The following CFAP20DC variants were observed in gnomAD, a reference collection of about 807,000 sequenced individuals.
The protein encoded by CFAP20DC is CFAP20 domain containing.
CFAP20DC carries 84 observed loss-of-function variants against 101.7 expected under a neutral mutation model. That is an observed-to-expected ratio of 0.83 (90% CI 0.69 to 0.99). The LOEUF is 0.99. Ranked by LOEUF, CFAP20DC falls within the 50% of genes least tolerant of loss-of-function variation. CFAP20DC has a pLI of 0.00. For synonymous variants in CFAP20DC, 359 were observed against 351.2 expected (o/e 1.02, Z -0.25); for missense variants, 1,007 against 970.3 (o/e 1.04, Z -0.50).
chr3:58,807,359 T>C (rs1416515583), intron 14 of CFAP20DC, among the ~76,000 whole-genome samples: 1 of 152,142 alleles, frequency 6.6e-6, no homozygotes, highest in Non-Finnish European at 1.5e-5. Context: ...GGTACTCCTC[T>C]GAGATAAAAC....
chr3:58,734,281 T>C (rs1373408990), intron 3 of CFAP20DC, among the ~76,000 whole-genome samples: 1 of 152,202 alleles, frequency 6.6e-6, no homozygotes, highest in Admixed American at 6.5e-5. Flanking sequence ...ATTCATGAAT[T>C]ACCAAGTTTC....
chr3:58,880,025 T>C (rs991771726), intron 7 of CFAP20DC, among the ~76,000 whole-genome samples: 1 of 151,984 alleles, frequency 6.6e-6, no homozygotes, highest in African/African-American at 2.4e-5. Flanking sequence ...ATAGCAAGTC[T>C]TAGAATTTTT....
Position 58,884,400 on chromosome 3 carries a change from C to T in CFAP20DC, c.715+145G>A, listed in dbSNP as rs75811894. 2.8e-3 allele frequency: 1,852 copies of T among 652,536 alleles called. 29 individuals carry two copies. In the African/African-American group the frequency reaches 0.03, roughly 11 times the overall value. The allele number at this position is 652,536 out of a possible 1,614,324, so 40.4% of individuals were successfully genotyped here. On this transcript the variant is annotated intron_variant, in intron 7 of 16. Transcript: ENST00000482387. ...CTTGTTAGTAATCTGAGTTTGTAGC[C>T]CCTGGCGTGGTATGTGGCAAGTATA... is the stretch of plus-strand genomic sequence containing the variant.
intron 4 of CFAP20DC, among the ~76,000 whole-genome samples, chr3:59,039,058 G>C (rs1263405431): frequency 6.6e-6 from 1 of 151,922 alleles, no homozygotes; most frequent in African/African-American, 2.4e-5. Flanking sequence ...ACTGAGTAAA[G>C]GTTGTATATT....
chr3:58,835,838 A>C (rs1027475750), intron 13 of CFAP20DC, among the ~76,000 whole-genome samples: 2 of 152,204 alleles, frequency 1.3e-5, no homozygotes, highest in Non-Finnish European at 2.9e-5. Context: ...TCTTTGCATT[A>C]AAGTGGACTC....
intron 14 of CFAP20DC, among the ~76,000 whole-genome samples, chr3:58,815,300 G>C (rs1172931309): frequency 1.3e-5 from 2 of 149,436 alleles, no homozygotes; most frequent in East Asian, 3.9e-4. Flanking sequence ...AAACTGGCTA[G>C]CCATATGTAG....
intron 10 of CFAP20DC, among the ~76,000 whole-genome samples, chr3:58,867,519 T>G (rs2079796983): frequency 6.6e-6 from 1 of 152,166 alleles, no homozygotes. Context: ...TAGTGGGAAC[T>G]TCTATCACAT....
At position 58,849,326 on chromosome 3, in the gene CFAP20DC, C is replaced by A; in HGVS notation, c.1677G>T (p.Gly559=). 1 of 1,536,084 alleles carries A rather than the reference C, an allele frequency of 6.5e-7. No individual in the cohort carries two copies. The highest frequency in any genetic ancestry group is 1.2e-5 in the South Asian group (1 of 84,026). ...LTQLTLESLL[G]KAAKRTSKEY... Reference sequence around the variant, plus strand: ...CCTTACTTGTCCGCTTTGCAGCCTTCCCCAGCAGGCTCTCTAATGTTAACT... The same window carrying A: ...CCTTACTTGTCCGCTTTGCAGCCTTACCCAGCAGGCTCTCTAATGTTAACT... Residue 559 remains glycine, a synonymous_variant, in exon 13 of 17, where the codon GGG becomes GGT. Coordinates refer to ENST00000482387, the MANE Select transcript of CFAP20DC (RefSeq NM_001394063.1).
intron 12 of CFAP20DC, chr3:58,862,017 T>C: frequency 1.0e-6 from 1 of 985,266 alleles, no homozygotes; most frequent in Non-Finnish European, 1.2e-6. Flanking sequence ...GTATTCTTCA[T>C]TTTCCCATGA....
chr3:58,718,825 G>T (rs964090250), intron 3 of CFAP20DC, among the ~76,000 whole-genome samples: 2 of 152,198 alleles, frequency 1.3e-5, no homozygotes, highest in African/African-American at 4.8e-5. Flanking sequence ...GTTATATACT[G>T]ATCTCTTCTC....
chr3:58,944,058 G>A (rs1403037212), intron 4 of CFAP20DC, among the ~76,000 whole-genome samples: 4 of 152,162 alleles, frequency 2.6e-5, no homozygotes, highest in Non-Finnish European at 5.9e-5. Context: ...AAGCCTCCAA[G>A]AAAGATGGAA....
chr3:58,980,585 A>G (rs1320641277), intron 4 of CFAP20DC, among the ~76,000 whole-genome samples: 2 of 152,214 alleles, frequency 1.3e-5, no homozygotes, highest in Admixed American at 6.5e-5. Flanking sequence ...GAGCATATAA[A>G]CAGAACCAAA....
At chr3:58,846,936 T>C (rs1329634266) in intron 13 of CFAP20DC, among the ~76,000 whole-genome samples, 2 of 149,180 alleles carry the variant, frequency 1.3e-5, no homozygotes, top group Non-Finnish European at 3.0e-5. Context: ...ATTTAATAAA[T>C]GGTGCTGGGA....
intron 14 of CFAP20DC, among the ~76,000 whole-genome samples, chr3:58,807,549 T>C (rs1044948570): frequency 1.3e-5 from 2 of 152,048 alleles, no homozygotes; most frequent in East Asian, 1.9e-4. Flanking sequence ...AGGACATCCA[T>C]ACCAAAACCC....
In CFAP20DC at chr3:58,776,277, A is replaced by C. The variant is rs577991464; in HGVS notation, c.2238-22414T>G. On this transcript the variant is annotated intron_variant, in intron 15 of 16. Coordinates refer to ENST00000482387, the MANE Select transcript of CFAP20DC (RefSeq NM_001394063.1). Reference sequence around the variant, plus strand: ...TTTTAGCACTGAGATTGTTGAGCTAAAGACAGTTATGAAGACACAGATGCA... The same window carrying C: ...TTTTAGCACTGAGATTGTTGAGCTACAGACAGTTATGAAGACACAGATGCA... Among the ~76,000 whole-genome samples, 4 of 152,294 alleles carry C rather than the reference A, an allele frequency of 2.6e-5. No homozygotes were observed. In the East Asian group the frequency reaches 7.7e-4, roughly 29 times the overall value.
intron 4 of CFAP20DC, among the ~76,000 whole-genome samples, chr3:58,997,656 G>T (rs2093176967): frequency 6.6e-6 from 1 of 152,194 alleles, no homozygotes; most frequent in African/African-American, 2.4e-5. Flanking sequence ...GTACAAAGTG[G>T]AAGGGCTGCT....
intron 15 of CFAP20DC, among the ~76,000 whole-genome samples, chr3:58,805,294 T>C (rs1559613521): frequency 6.6e-6 from 1 of 152,124 alleles, no homozygotes; most frequent in Non-Finnish European, 1.5e-5. Flanking sequence ...ATGGAGCAGA[T>C]GGGAGGAAGC....
intron 5 of CFAP20DC, among the ~76,000 whole-genome samples, chr3:58,916,915 A>G (rs2084796656): frequency 6.6e-6 from 1 of 152,146 alleles, no homozygotes; most frequent in African/African-American, 2.4e-5. Flanking sequence ...GCTGAACTTT[A>G]TAAAATATTA....
chr3:58,796,374 G>A (rs1331374384), intron 15 of CFAP20DC, among the ~76,000 whole-genome samples: 1 of 152,104 alleles, frequency 6.6e-6, no homozygotes, highest in Admixed American at 6.6e-5. Context: ...GATTCTCGAG[G>A]GATTCAGTTT....
Sources: gnomAD v4.1 joint callset for allele counts (sites outside exome capture counted in the v4.1 genomes callset) on GRCh38, gnomAD v4.1.1 for gene constraint, MANE v1.5 for transcripts, NCBI Gene and HGNC (gene_info 2026-07-23, HGNC 2026-07-21) for gene names.